VWF: variants seen among roughly 807,000 people sequenced by gnomAD.
The protein encoded by VWF is Factor VIII related antigen.
Under a neutral mutation model 308.6 loss-of-function variants are expected in VWF, and 176 were observed. That is an observed-to-expected ratio of 0.57 (90% confidence interval 0.50 to 0.65). The LOEUF is 0.65. Among genes scored for constraint, VWF ranks in the 30% least tolerant of loss-of-function variants. The pLI is 0.00. For missense variants in VWF, 3,146 were observed against 3,648.2 expected (o/e 0.86, Z 3.55); for synonymous variants, 1,385 against 1,443.4 (o/e 0.96, Z 0.92).
intron 18 of VWF, among the ~76,000 whole-genome samples, chr12:6,042,461 G>A (rs1029567497): frequency 3.3e-5 from 5 of 152,202 alleles, no homozygotes; most frequent in African/African-American, 1.2e-4. Context: ...TGCTGCAGGC[G>A]GCACGCTGCG....
chr12:5,963,972 C>T (rs1036460946), intron 47 of VWF, among the ~76,000 whole-genome samples: 21 of 152,114 alleles, frequency 1.4e-4, no homozygotes, highest in African/African-American at 5.1e-4. Flanking sequence ...CTTTGGGAGG[C>T]CAAGGTGGGC....
Position 5,952,374 on chromosome 12 carries a change from G to A in VWF, c.8115+17C>T. 1 of 1,613,672 alleles carries A rather than the reference G, an allele frequency of 6.2e-7. No individual in the cohort carries two copies. Among genetic ancestry groups the A allele is most frequent in the Non-Finnish European group, 8.5e-7 (1 of 1,179,674 alleles). ...AGAGATTGAGACAGTAAAGAGGAAA[G>A]CAGAATGAGTACTCACTCCCTCAGC... On this transcript the variant is annotated intron_variant, in intron 49 of 51. Coordinates refer to ENST00000261405, the MANE Select transcript of VWF (RefSeq NM_000552.5).
chr12:5,974,424 C>T (rs993675972), intron 43 of VWF, among the ~76,000 whole-genome samples: 5 of 152,198 alleles, frequency 3.3e-5, no homozygotes, highest in African/African-American at 1.2e-4. Context: ...CCTCCCTACT[C>T]ATCTTCTTTT....
At chr12:6,122,357 CCTGACACATAGA>C (rs1945441618) in intron 2 of VWF, among the ~76,000 whole-genome samples, 1 of 152,172 alleles carries the variant, frequency 6.6e-6, no homozygotes, top group Non-Finnish European at 1.5e-5. Context: ...AGACTGTGTG[CCTGACACATAGA>C]CTCTCTGAAG....
At chr12:5,975,504 G>A (rs994708606) in intron 43 of VWF, among the ~76,000 whole-genome samples, 4 of 152,124 alleles carry the variant, frequency 2.6e-5, no homozygotes, top group African/African-American at 4.8e-5. Flanking sequence ...CAGCCACCAC[G>A]AACTGGATTT....
chr12:6,013,678 T>C (rs1464460056), intron 31 of VWF, 33 bp from the exon 32 acceptor site: 4 of 1,611,730 alleles, frequency 2.5e-6, no homozygotes, highest in South Asian at 1.1e-5. Flanking sequence ...AAAGGATCTG[T>C]GGGCAAGAAG....
At chr12:6,048,261 T>C (rs1036873214) in intron 16 of VWF, among the ~76,000 whole-genome samples, 3 of 151,644 alleles carry the variant, frequency 2.0e-5, no homozygotes, top group Admixed American at 6.6e-5. Context: ...TCCTACTCCC[T>C]GGTTCAAGCG....
rs1467783236 is a variant in VWF, at chr12:6,060,320, G to T, written c.1534-2276C>A. ...GATTTCTGCTGGCTGGAGCCTTGCT[G>T]CCTGGACCGCCAGCCCCACGGGGAC... is the stretch of plus-strand genomic sequence containing the variant. On this transcript the variant is annotated intron_variant, in intron 13 of 51. Transcript: ENST00000261405. The surrounding 1 kb of genome is among the most constrained non-coding windows in gnomAD (Gnocchi z 5.1). Among the ~76,000 whole-genome samples the T allele has an allele frequency of 2.0e-5, 3 of 152,112 alleles. No homozygotes were observed. The highest frequency in any genetic ancestry group is 4.4e-5 in the Non-Finnish European group (3 of 68,008).
chr12:6,000,642 CA>C (rs1162521877), intron 34 of VWF, among the ~76,000 whole-genome samples: 146 of 142,016 alleles, frequency 1.0e-3, no homozygotes, highest in Middle Eastern at 7.2e-3. Flanking sequence ...CCCGTCTCTA[CA>C]AAAAAAAAAA....
chr12:5,958,831 A>C (rs1335676618), intron 47 of VWF, among the ~76,000 whole-genome samples: 1 of 152,168 alleles, frequency 6.6e-6, no homozygotes, highest in Non-Finnish European at 1.5e-5. Flanking sequence ...TGAGTGAATA[A>C]CTGACTGTAA....
intron 34 of VWF, among the ~76,000 whole-genome samples, chr12:6,003,295 T>C (rs915617508): frequency 1.3e-5 from 2 of 152,202 alleles, no homozygotes; most frequent in African/African-American, 4.8e-5. Flanking sequence ...ACACAGTGTA[T>C]AAAGATGTAA....
intron 22 of VWF, among the ~76,000 whole-genome samples, chr12:6,027,052 C>T (rs755018485): frequency 1.3e-5 from 2 of 152,194 alleles, no homozygotes; most frequent in African/African-American, 2.4e-5. Context: ...CAATAAGCTG[C>T]ATTCAGCTTG....
At chr12:6,076,818 G>A (rs1321846905) in intron 6 of VWF, among the ~76,000 whole-genome samples, 1 of 152,194 alleles carries the variant, frequency 6.6e-6, no homozygotes, top group Admixed American at 6.5e-5. Flanking sequence ...GGGGCCAGGG[G>A]CCAGGCCTGT....
At chr12:6,017,426 T>A (rs956865428) in intron 28 of VWF, among the ~76,000 whole-genome samples, 2 of 152,204 alleles carry the variant, frequency 1.3e-5, no homozygotes, top group Non-Finnish European at 2.9e-5. Context: ...AGAATTTAAA[T>A]AAATCTATGG....
chr12:5,964,582 C>T (rs745827858), intron 47 of VWF, among the ~76,000 whole-genome samples: 2 of 152,194 alleles, frequency 1.3e-5, no homozygotes, highest in Non-Finnish European at 2.9e-5. Context: ...TTATGAATCA[C>T]CAAGTCAATT....
At chr12:6,094,694 G>T (rs1945085336) in intron 6 of VWF, among the ~76,000 whole-genome samples, 1 of 152,012 alleles carries the variant, frequency 6.6e-6, no homozygotes, top group Non-Finnish European at 1.5e-5. Flanking sequence ...AGGCAGATGA[G>T]AGCACTTCAG....
intron 16 of VWF, among the ~76,000 whole-genome samples, chr12:6,048,926 C>A (rs994660031): frequency 3.3e-5 from 5 of 152,196 alleles, no homozygotes; most frequent in Non-Finnish European, 7.3e-5. Context: ...CCACCCGCCC[C>A]CGTAAATGTC....
intron 16 of VWF, among the ~76,000 whole-genome samples, chr12:6,051,954 A>G (rs1396230126): frequency 1.3e-5 from 2 of 152,210 alleles, no homozygotes; most frequent in African/African-American, 4.8e-5. Context: ...GAACTAAGAC[A>G]GAACAGGTGA....
At chr12:6,073,878 C>T in intron 7 of VWF, 137 bp from the exon 8 acceptor site, 5 of 1,386,798 alleles carry the variant, frequency 3.6e-6, no homozygotes, top group Non-Finnish European at 4.9e-6. Context: ...GTCCTTCTCA[C>T]CCCCAGTGAG....
Sources: allele counts gnomAD v4.1 joint callset (sites outside exome capture counted in the v4.1 genomes callset), GRCh38; gene constraint gnomAD v4.1.1; non-coding constraint Gnocchi (gnomAD v3.1); transcripts MANE v1.5; gene names NCBI Gene and HGNC (gene_info 2026-07-23, HGNC 2026-07-21).